MACROD2: variants seen among roughly 807,000 people sequenced by gnomAD.
MACROD2 encodes mono-ADP ribosylhydrolase 2, also known as ADP-ribose glycohydrolase MACROD2.
A neutral mutation model predicts 70.4 loss-of-function variants in MACROD2; 36 were observed. That is an observed-to-expected ratio of 0.51 (90% CI 0.39 to 0.68). MACROD2 has a LOEUF of 0.68. Among genes scored for constraint, MACROD2 ranks in the 30% least tolerant of loss-of-function variants. The pLI, the probability that MACROD2 is intolerant of heterozygous loss-of-function variation, is 0.00. For missense variants in MACROD2, 496 were observed against 538.4 expected (o/e 0.92, Z 0.78); for synonymous variants, 172 against 178.8 (o/e 0.96, Z 0.30).
intron 5 of MACROD2, chr20:14,895,029 G>A (rs188851583): frequency 5.3e-5 from 8 of 152,216 alleles, no homozygotes; most frequent in Admixed American, 1.3e-4. Context: ...TTCTATTAAC[G>A]AGAATGAATA....
intron 4 of MACROD2, among the ~76,000 whole-genome samples, chr20:14,582,567 A>G (rs904964903): frequency 6.6e-6 from 1 of 152,138 alleles, no homozygotes; most frequent in African/African-American, 2.4e-5. Context: ...GCATAATATT[A>G]AATGGAATGG....
intron 8 of MACROD2, among the ~76,000 whole-genome samples, chr20:15,791,333 A>G (rs1475891074): frequency 6.6e-6 from 1 of 151,968 alleles, no homozygotes; most frequent in African/African-American, 2.4e-5. Context: ...GTTTATCTAA[A>G]GAAAGCTTAG....
chr20:14,880,333 A>G (rs1205760311), intron 5 of MACROD2, among the ~76,000 whole-genome samples: 1 of 152,198 alleles, frequency 6.6e-6, no homozygotes, highest in Admixed American at 6.5e-5. Flanking sequence ...CAATTCAAAG[A>G]GCAACATTTG....
Position 14,848,265 on chromosome 20 carries a change from C to A in MACROD2, c.418+163306C>A, listed in dbSNP as rs200958129. On this transcript the variant is annotated intron_variant, in intron 5 of 17. Coordinates refer to ENST00000684519, the MANE Select transcript of MACROD2 (RefSeq NM_001351661.2). ...TACTTAAAGAACTTGTACACATCCA[C>A]TGTCAAATATACTTCTGCATACATA... Among the ~76,000 whole-genome samples, 9 of 152,300 alleles carry A rather than the reference C, an allele frequency of 5.9e-5. No individual in the cohort carries two copies. In the East Asian group the frequency reaches 1.5e-3, roughly 26 times the overall value.
chr20:15,637,544 C>A (rs1297387418), intron 8 of MACROD2, among the ~76,000 whole-genome samples: 1 of 152,182 alleles, frequency 6.6e-6, no homozygotes, highest in African/African-American at 2.4e-5. Context: ...GAGAGAGAAT[C>A]TAAATATTTC....
At chr20:15,663,777 C>T (rs548783588) in intron 8 of MACROD2, among the ~76,000 whole-genome samples, 54 of 152,194 alleles carry the variant, frequency 3.5e-4, no homozygotes, top group African/African-American at 1.3e-3. Flanking sequence ...CAGAACAGAA[C>T]GAGTAGCATT....
intron 5 of MACROD2, among the ~76,000 whole-genome samples, chr20:14,808,803 AG>A (rs1222810482): frequency 1.3e-5 from 2 of 152,016 alleles, no homozygotes; most frequent in African/African-American, 4.8e-5. Context: ...TTCTGATAAA[AG>A]AGACTTTAAA....
At chr20:14,684,652 C>A (rs59467727) in intron 4 of MACROD2, among the ~76,000 whole-genome samples, 191 bp from the exon 5 acceptor site, 4 of 135,804 alleles carry the variant, frequency 2.9e-5, no homozygotes, top group Admixed American at 1.5e-4. Context: ...AACCTCACCC[C>A]CCCCCCCCGG....
chr20:15,604,186 C>G (rs556078438), intron 8 of MACROD2, among the ~76,000 whole-genome samples: 12 of 152,102 alleles, frequency 7.9e-5, no homozygotes, highest in African/African-American at 2.9e-4. Flanking sequence ...ATGGCCCAAA[C>G]CAGAGAGTTG....
At chr20:15,229,856 C>T (rs2076944260) in intron 5 of MACROD2, 84 bp from the exon 6 acceptor site, 1 of 1,354,382 alleles carries the variant, frequency 7.4e-7, no homozygotes, top group African/African-American at 1.5e-5. Context: ...AACACAAATA[C>T]CTAAAATAAA....
rs1447567422 is a variant in MACROD2 at position 14,485,677 on chromosome 20, G to A, written c.272-7802G>A. On this transcript the variant is annotated intron_variant, in intron 3 of 17. Coordinates refer to ENST00000684519, the MANE Select transcript of MACROD2 (RefSeq NM_001351661.2). ...GATCGTGCCACTTGCACTCCAGCCTGGGCAACAGAGCAAGACTCCGTCTCA... is the reference window on the plus strand; with the variant it reads ...GATCGTGCCACTTGCACTCCAGCCTAGGCAACAGAGCAAGACTCCGTCTCA... Among the ~76,000 whole-genome samples the A allele has an allele frequency of 1.4e-4, 13 of 92,400 alleles. No homozygotes were observed. In the East Asian group the frequency reaches 1.8e-3, roughly 13 times the overall value. 60.6% of individuals were successfully genotyped at this position (92,400 alleles called of 152,430 possible). A position where few individuals can be genotyped will look rare whatever the true frequency, so the allele number is the denominator to read the frequency against.
intron 3 of MACROD2, among the ~76,000 whole-genome samples, chr20:14,464,181 G>T (rs1414846873): frequency 6.6e-6 from 1 of 151,900 alleles, no homozygotes; most frequent in African/African-American, 2.4e-5. Context: ...TTTTTGGTTG[G>T]TAAGCTATTA....
intron 3 of MACROD2, among the ~76,000 whole-genome samples, chr20:14,485,507 C>A (rs746244224): frequency 1.3e-5 from 2 of 152,046 alleles, no homozygotes; most frequent in East Asian, 3.9e-4. Flanking sequence ...CAGGATCATC[C>A]TGGCTAACAC....
chr20:15,372,897 A>T (rs564434589), intron 6 of MACROD2, among the ~76,000 whole-genome samples: 198 of 152,174 alleles, frequency 1.3e-3, no homozygotes, highest in Middle Eastern at 6.8e-3. Context: ...ACAAAAAATT[A>T]AAAAATTAGC....
chr20:14,878,674 G>T (rs1406318700), intron 5 of MACROD2, among the ~76,000 whole-genome samples: 4 of 152,040 alleles, frequency 2.6e-5, no homozygotes, highest in Non-Finnish European at 4.4e-5. Flanking sequence ...TAATTTATTG[G>T]ATGAATTCTT....
intron 8 of MACROD2, among the ~76,000 whole-genome samples, chr20:15,681,130 G>A (rs1363436220): frequency 1.3e-5 from 2 of 152,230 alleles, no homozygotes; most frequent in African/African-American, 4.8e-5. Flanking sequence ...GTACAGGCAA[G>A]TGTACACTTG....
At chr20:14,081,999 G>T (rs759866683) in intron 2 of MACROD2, among the ~76,000 whole-genome samples, 2 of 151,936 alleles carry the variant, frequency 1.3e-5, no homozygotes, top group Non-Finnish European at 2.9e-5. Context: ...GAGCAACATT[G>T]TCACAGCAGT....
chr20:14,636,580 G>C (rs948181676), intron 4 of MACROD2: 2 of 152,200 alleles, frequency 1.3e-5, no homozygotes, highest in African/African-American at 4.8e-5. Context: ...AGGAAATGAT[G>C]CACAGGGATT....
At chr20:16,005,112 A>T (rs1029740934) in intron 15 of MACROD2, among the ~76,000 whole-genome samples, 1 of 152,222 alleles carries the variant, frequency 6.6e-6, no homozygotes, top group Non-Finnish European at 1.5e-5. Context: ...GTCTTTAGAC[A>T]TAGAAACAAG....
Sources: gnomAD v4.1 joint callset for allele counts (sites outside exome capture counted in the v4.1 genomes callset) on GRCh38, gnomAD v4.1.1 for gene constraint, MANE v1.5 for transcripts, NCBI Gene and HGNC (gene_info 2026-07-23, HGNC 2026-07-21) for gene names.